Variants in ACBD5 observed in about 807,000 individuals in gnomAD.
ACBD5 encodes acyl-CoA binding domain containing 5, also known as acyl-CoA-binding domain-containing protein 5.
In ACBD5, 40 loss-of-function variants were observed where a neutral mutation model predicts 71.8. The observed-to-expected ratio is 0.56, with a 90% CI of 0.43 to 0.72. The LOEUF is 0.72. Among genes scored for constraint, ACBD5 ranks in the 30% least tolerant of loss-of-function variants. The pLI is 0.00. For missense variants in ACBD5, 559 were observed against 644.5 expected (o/e 0.87, Z 1.44); for synonymous variants, 229 against 218.6 (o/e 1.05, Z -0.42).
At chr10:27,184,187 G>A (rs1198384995) in intron 13 of ACBD5, among the ~76,000 whole-genome samples, 1 of 152,164 alleles carries the variant, frequency 6.6e-6, no homozygotes, top group Non-Finnish European at 1.5e-5. Context: ...ACAACATAAT[G>A]TCATGTAGTG....
At chr10:27,193,728 A>G (rs189490034), downstream of ACBD5, among the ~76,000 whole-genome samples, 1 of 152,304 alleles carries the variant, frequency 6.6e-6, no homozygotes, top group Non-Finnish European at 1.5e-5. Context: ...GCTACACACT[A>G]AAGATGGGAG....
chr10:27,236,884 C>CAAA (rs5783998), intron 2 of ACBD5, among the ~76,000 whole-genome samples: 56 of 87,058 alleles, frequency 6.4e-4, no homozygotes, highest in Non-Finnish European at 8.6e-4. Flanking sequence ...GACTTGGTCT[C>CAAA]AAAAAAAAAA....
intron 13 of ACBD5, chr10:27,186,675 C>A: frequency 1.2e-6 from 1 of 809,748 alleles, no homozygotes; most frequent in South Asian, 1.4e-5. Flanking sequence ...TACGTTACAG[C>A]TTTCACAGAG....
At chr10:27,193,652 T>C (rs2059176986), downstream of ACBD5, among the ~76,000 whole-genome samples, 1 of 152,214 alleles carries the variant, frequency 6.6e-6, no homozygotes, top group South Asian at 2.1e-4. Context: ...CTTCACTCTG[T>C]GCCTGCCTAT....
chr10:27,230,785 A>G (rs2063745424), intron 4 of ACBD5, among the ~76,000 whole-genome samples: 1 of 113,310 alleles, frequency 8.8e-6, no homozygotes, highest in Non-Finnish European at 1.7e-5. Context: ...TAACAGAGTG[A>G]GACTCCATCT....
intron 13 of ACBD5, among the ~76,000 whole-genome samples, chr10:27,184,474 T>C (rs1230519014): frequency 1.3e-5 from 2 of 151,850 alleles, no homozygotes; most frequent in African/African-American, 4.8e-5. Flanking sequence ...TGTAGTATTA[T>C]TTCAGAATAG....
downstream of ACBD5, among the ~76,000 whole-genome samples, chr10:27,192,029 A>G (rs977322669): frequency 1.3e-5 from 2 of 152,170 alleles, no homozygotes; most frequent in African/African-American, 4.8e-5. Flanking sequence ...CAAAATACAA[A>G]AGATTTTTAA....
intron 13 of ACBD5, chr10:27,186,564 TTG>T: frequency 6.3e-7 from 1 of 1,589,732 alleles, no homozygotes; most frequent in East Asian, 2.2e-5. Flanking sequence ...TAGTCTAGCC[TTG>T]TGTTATAGAA....
In ACBD5 at chr10:27,208,243, T is replaced by C; in HGVS notation, c.1404+3A>G. ...AGAAGGTATGATACATTTGGAAGTT[T>C]ACCTGCAAAGCAGTCAGCGTTTCCA... is the stretch of plus-strand genomic sequence containing the variant. On this transcript the variant is annotated splice_donor_region_variant and intron_variant, in intron 10 of 12. Transcript: ENST00000396271. 1 of 1,614,124 alleles carries C rather than the reference T, an allele frequency of 6.2e-7. No individual in the cohort carries two copies. Among genetic ancestry groups the C allele is most frequent in the Non-Finnish European group, 8.5e-7 (1 of 1,179,976 alleles).
At chr10:27,191,521 G>C, downstream of ACBD5, among the ~76,000 whole-genome samples, 1 of 152,160 alleles carries the variant, frequency 6.6e-6, no homozygotes, top group East Asian at 1.9e-4. Flanking sequence ...GGTGGGGCGG[G>C]GGGAGAGGAG....
chr10:27,194,980 GCGAGACT>G (rs2059264487), downstream of ACBD5, among the ~76,000 whole-genome samples: 1 of 152,156 alleles, frequency 6.6e-6, no homozygotes, highest in Admixed American at 6.5e-5. Context: ...TGGCAACAGA[GCGAGACT>G]CTGTCTCAAA....
Position 27,197,124 on chromosome 10 carries a change from A to T in ACBD5, c.*306T>A. ...GTTACTCTATGGAAGATAATCAGGT[A>T]AACATGTTACCAAATGATCATTAAT... On this transcript the variant is annotated 3_prime_UTR_variant, in exon 13 of 13. Coordinates refer to ENST00000396271, the MANE Select transcript of ACBD5 (RefSeq NM_145698.5). 2.0e-6 allele frequency: 1 copy of T among 494,584 alleles called. No homozygotes were observed. Among genetic ancestry groups the T allele is most frequent in the Non-Finnish European group, 3.8e-6 (1 of 266,178 alleles). 30.6% of individuals were successfully genotyped at this position (494,584 alleles called of 1,614,324 possible).
intron 4 of ACBD5, among the ~76,000 whole-genome samples, chr10:27,225,787 C>T (rs1208022866): frequency 1.3e-5 from 2 of 151,992 alleles, no homozygotes; most frequent in African/African-American, 4.8e-5. Flanking sequence ...GCACCCTTTA[C>T]ACTATCCCAC....
chr10:27,190,395 A>C (rs950783097), downstream of ACBD5, among the ~76,000 whole-genome samples: 3 of 152,230 alleles, frequency 2.0e-5, no homozygotes, highest in Non-Finnish European at 4.4e-5. Context: ...TGTTAGAATT[A>C]AGTAAGATGA....
At chr10:27,237,037 T>C (rs1410785148) in intron 2 of ACBD5, among the ~76,000 whole-genome samples, 1 of 152,066 alleles carries the variant, frequency 6.6e-6, no homozygotes, top group Non-Finnish European at 1.5e-5. Context: ...GAGTACCTAA[T>C]AGATAGTGTT....
At chr10:27,231,666 C>T in intron 4 of ACBD5, 82 bp downstream of exon 4, 1 of 1,217,348 alleles carries the variant, frequency 8.2e-7, no homozygotes, top group South Asian at 1.2e-5. Context: ...CTCCTTAAAG[C>T]AAAGCAGCTA....
At chr10:27,226,449 TACACACACACACACACAC>T (rs66967226) in intron 4 of ACBD5, among the ~76,000 whole-genome samples, 1 of 134,944 alleles carries the variant, frequency 7.4e-6, no homozygotes, top group Non-Finnish European at 1.5e-5. Context: ...AGATACAGAC[TACACACACACACACACAC>T]ACACACACAC....
intron 10 of ACBD5, among the ~76,000 whole-genome samples, chr10:27,206,274 T>C (rs2060458760): frequency 6.6e-6 from 1 of 151,496 alleles, no homozygotes; most frequent in African/African-American, 2.4e-5. Context: ...AGAATTTCAA[T>C]ATCACTAAAG....
chr10:27,211,722 G>A (rs1353209155), intron 8 of ACBD5, among the ~76,000 whole-genome samples: 1 of 152,062 alleles, frequency 6.6e-6, no homozygotes, highest in Non-Finnish European at 1.5e-5. Flanking sequence ...GTCAAAGCAA[G>A]CTTATTTAGA....
Sources: gnomAD v4.1 joint callset for allele counts (sites outside exome capture counted in the v4.1 genomes callset) on GRCh38, gnomAD v4.1.1 for gene constraint, MANE v1.5 for transcripts, NCBI Gene and HGNC (gene_info 2026-07-23, HGNC 2026-07-21) for gene names.